LCLAT1: variants seen among roughly 807,000 people sequenced by gnomAD.
LCLAT1 encodes lysocardiolipin acyltransferase 1, also known as 1-AGP acyltransferase 8.
LCLAT1 carries 11 observed loss-of-function variants against 30.7 expected under a neutral mutation model. The ratio of observed to expected loss-of-function variants is 0.36; its 90% confidence interval spans 0.23 to 0.59. LCLAT1 has a LOEUF of 0.59. Among genes scored for constraint, LCLAT1 ranks in the 20% least tolerant of loss-of-function variants. The pLI is 0.77. For synonymous variants in LCLAT1, 155 were observed against 151.3 expected (o/e 1.02, Z -0.18); for missense variants, 402 against 458.6 (o/e 0.88, Z 1.13).
chr2:30,500,222 C>T (rs1007406399), intron 1 of LCLAT1, among the ~76,000 whole-genome samples: 1 of 152,094 alleles, frequency 6.6e-6, no homozygotes, highest in African/African-American at 2.4e-5. Context: ...ATTTAATAAA[C>T]AAAATCTAAT....
At chr2:30,553,707 C>T (rs955718428) in intron 3 of LCLAT1, among the ~76,000 whole-genome samples, 8 of 151,702 alleles carry the variant, frequency 5.3e-5, no homozygotes, top group Non-Finnish European at 5.9e-5. Flanking sequence ...CCCAGCTACT[C>T]GGGAGGCTGA....
At chr2:30,608,852 A>G (rs187595619) in intron 5 of LCLAT1, among the ~76,000 whole-genome samples, 1 of 152,302 alleles carries the variant, frequency 6.6e-6, no homozygotes, top group Non-Finnish European at 1.5e-5. Flanking sequence ...CTGCTGAGTC[A>G]TAGGGTTTGG....
At chr2:30,452,383 A>ATT (rs200058814) in intron 1 of LCLAT1, among the ~76,000 whole-genome samples, 1 of 145,906 alleles carries the variant, frequency 6.9e-6, no homozygotes, top group Non-Finnish European at 1.5e-5. Flanking sequence ...GAAAAGTATA[A>ATT]TTTTTTTTTT....
intron 1 of LCLAT1, among the ~76,000 whole-genome samples, chr2:30,523,210 G>A (rs1261537382): frequency 1.3e-5 from 2 of 151,688 alleles, no homozygotes; most frequent in East Asian, 3.9e-4. Context: ...ACTGGGGGGC[G>A]GGGTGGGTGT....
intron 1 of LCLAT1, among the ~76,000 whole-genome samples, chr2:30,503,118 G>T (rs568134864): frequency 9.2e-5 from 14 of 152,352 alleles, no homozygotes; most frequent in African/African-American, 3.4e-4. Flanking sequence ...CAAGGAAGGG[G>T]TTGGTAACAT....
rs565055988 is a variant in LCLAT1 at position 30,550,078 on chromosome 2, G to A, written c.365-12068G>A. On this transcript the variant is annotated intron_variant, in intron 3 of 5. Transcript: ENST00000379509. ...GCGAATTCCAAGTAAGATTATTTAG[G>A]CCTTGATTTTGAATGGAAAATGGCC... Among the ~76,000 whole-genome samples the A allele has an allele frequency of 3.9e-5, 6 of 152,196 alleles. No individual in the cohort carries two copies. The East Asian group carries it at 9.6e-4, about 24-fold the overall frequency.
chr2:30,455,831 G>A (rs1463089173), intron 1 of LCLAT1, among the ~76,000 whole-genome samples: 1 of 149,340 alleles, frequency 6.7e-6, no homozygotes, highest in Admixed American at 6.8e-5. Context: ...GATCACTTGA[G>A]CCTGGGAGGT....
intron 3 of LCLAT1, chr2:30,552,536 G>A (rs1014459084): frequency 1.3e-5 from 6 of 448,860 alleles, no homozygotes; most frequent in Non-Finnish European, 2.7e-5. Context: ...TACTACAACA[G>A]GATTGTTGCT....
At chr2:30,460,659 C>T (rs998584119) in intron 1 of LCLAT1, among the ~76,000 whole-genome samples, 21 of 152,128 alleles carry the variant, frequency 1.4e-4, no homozygotes, top group African/African-American at 5.1e-4. Context: ...TAACAAGAGT[C>T]TCTTTTGACC....
At chr2:30,607,253 G>T (rs1040251036) in intron 5 of LCLAT1, 2 of 152,038 alleles carry the variant, frequency 1.3e-5, no homozygotes, top group Non-Finnish European at 2.9e-5. Flanking sequence ...AGCCAGGATG[G>T]TCTCGATCTC....
At position 30,568,087 on chromosome 2, in the gene LCLAT1, T is replaced by TTG; in HGVS notation, c.540_541dup (p.Ala181ValfsTer25). 6.3e-7 allele frequency: 1 copy of TTG among 1,596,222 alleles called. No homozygotes were observed. The highest frequency in any genetic ancestry group is 8.6e-7 in the Non-Finnish European group (1 of 1,167,794). ...AACAGCAAGTCTCGAAGTAATGCAT[T>TTG]TGCTGAAAAAAATGGACTTCAGAAA... On this transcript the variant is annotated frameshift_variant, in exon 5 of 6. Coordinates refer to ENST00000379509, the MANE Select transcript of LCLAT1 (RefSeq NM_001002257.3). LOFTEE classifies it high-confidence loss of function.
chr2:30,636,197 G>C (rs557856662), intron 5 of LCLAT1, among the ~76,000 whole-genome samples: 1 of 152,224 alleles, frequency 6.6e-6, no homozygotes, highest in East Asian at 1.9e-4. Context: ...AAGTATTTTT[G>C]GCAATTTTGT....
chr2:30,515,224 T>C (rs1685124596), intron 1 of LCLAT1, among the ~76,000 whole-genome samples: 1 of 152,204 alleles, frequency 6.6e-6, no homozygotes, highest in Admixed American at 6.5e-5. Context: ...GCAGAGTTCA[T>C]CTTGTCTACT....
Position 30,568,308 on chromosome 2 carries a change from T to C in LCLAT1, c.628+132T>C, listed in dbSNP as rs112514036. On this transcript the variant is annotated intron_variant, in intron 5 of 5. Coordinates refer to ENST00000379509, the MANE Select transcript of LCLAT1 (RefSeq NM_001002257.3). Reference sequence around the variant, plus strand: ...AAGAAATGAGATATTGTATTTTTATTCCAAGTTGGCCTATGTACTAAAATG... The same window carrying C: ...AAGAAATGAGATATTGTATTTTTATCCCAAGTTGGCCTATGTACTAAAATG... The C allele has an allele frequency of 1.5e-3, 802 of 533,826 alleles. 4 individuals are homozygous for C. The highest frequency in any genetic ancestry group is 0.014 in the African/African-American group (716 of 51,020). 33.1% of individuals were successfully genotyped at this position (533,826 alleles called of 1,614,324 possible).
intron 3 of LCLAT1, among the ~76,000 whole-genome samples, chr2:30,554,849 AGAAAT>A (rs1228802386): frequency 6.6e-6 from 1 of 152,214 alleles, no homozygotes; most frequent in African/African-American, 2.4e-5. Flanking sequence ...AAATGGCAAA[AGAAAT>A]GAAAAGTATG....
At chr2:30,531,796 T>C (rs1685997309) in intron 2 of LCLAT1, among the ~76,000 whole-genome samples, 1 of 152,240 alleles carries the variant, frequency 6.6e-6, no homozygotes, top group Non-Finnish European at 1.5e-5. Flanking sequence ...TTTTTCAAAG[T>C]CTTACTGTTT....
intron 2 of LCLAT1, among the ~76,000 whole-genome samples, chr2:30,527,484 T>C (rs751480311): frequency 6.6e-6 from 1 of 152,202 alleles, no homozygotes; most frequent in Non-Finnish European, 1.5e-5. Context: ...GTTCTGAGAA[T>C]TGGTAAAAAT....
At chr2:30,570,523 G>A (rs1665733961) in intron 5 of LCLAT1, among the ~76,000 whole-genome samples, 1 of 152,066 alleles carries the variant, frequency 6.6e-6, no homozygotes, top group Non-Finnish European at 1.5e-5. Context: ...TTATCTCATT[G>A]TGCAAAACTG....
chr2:30,571,584 C>G (rs548077919), intron 5 of LCLAT1, among the ~76,000 whole-genome samples: 3 of 152,194 alleles, frequency 2.0e-5, no homozygotes, highest in African/African-American at 7.2e-5. Context: ...CCATCTCTGG[C>G]TCACATTGCA....
Sources: allele counts gnomAD v4.1 joint callset (sites outside exome capture counted in the v4.1 genomes callset), GRCh38; gene constraint gnomAD v4.1.1; transcripts MANE v1.5; gene names NCBI Gene and HGNC (gene_info 2026-07-23, HGNC 2026-07-21).